KIAA0513: variants seen among roughly 807,000 people sequenced by gnomAD.
KIAA0513 encodes KIAA0513, also known as uncharacterized protein KIAA0513.
A neutral mutation model predicts 56.5 loss-of-function variants in KIAA0513; 39 were observed. The observed-to-expected ratio is 0.69, with a 90% CI of 0.53 to 0.90. The LOEUF (loss-of-function observed/expected upper bound fraction) is 0.90, where lower values mean the gene tolerates loss of function less well. KIAA0513 is among the 40% of genes least tolerant of loss of function. The pLI is 0.00. For missense variants in KIAA0513, 591 were observed against 535.2 expected (o/e 1.10, Z -1.03); for synonymous variants, 268 against 215.6 (o/e 1.24, Z -2.13).
At chr16:85,077,668 G>A (rs1851030888) in intron 6 of KIAA0513, 36 bp downstream of exon 6, 8 of 1,509,168 alleles carry the variant, frequency 5.3e-6, no homozygotes, top group Non-Finnish European at 7.2e-6. Flanking sequence ...CACCTGCAGG[G>A]GACTGGGGAG....
intron 1 of KIAA0513, among the ~76,000 whole-genome samples, chr16:85,034,021 A>G (rs751332686): frequency 6.6e-6 from 1 of 151,696 alleles, no homozygotes; most frequent in South Asian, 2.1e-4. Flanking sequence ...CCTCCCCTCA[A>G]TCCTTCCTTC....
At chr16:85,053,264 A>G (rs2073280159) in intron 1 of KIAA0513, among the ~76,000 whole-genome samples, 1 of 152,218 alleles carries the variant, frequency 6.6e-6, no homozygotes, top group Non-Finnish European at 1.5e-5. Flanking sequence ...TTTCTACATC[A>G]TGCCTGATAC....
intron 1 of KIAA0513, among the ~76,000 whole-genome samples, chr16:85,028,713 C>G (rs1000663401): frequency 6.6e-6 from 1 of 150,618 alleles, no homozygotes; most frequent in African/African-American, 2.4e-5. Flanking sequence ...AAAGACTTTA[C>G]AGGGGCACTA....
At chr16:85,043,061 A>C (rs1266998280) in intron 1 of KIAA0513, among the ~76,000 whole-genome samples, 1 of 152,244 alleles carries the variant, frequency 6.6e-6, no homozygotes, top group Non-Finnish European at 1.5e-5. Flanking sequence ...ATAATTCTTT[A>C]CATTTGCTAA....
At chr16:85,077,802 GC>G (rs962758111) in intron 6 of KIAA0513, among the ~76,000 whole-genome samples, 170 bp downstream of exon 6, 1 of 151,634 alleles carries the variant, frequency 6.6e-6, no homozygotes, top group African/African-American at 2.4e-5. Context: ...GCAAAGCCAA[GC>G]CCCCCCCACT....
intron 1 of KIAA0513, among the ~76,000 whole-genome samples, chr16:85,038,822 G>A (rs1288997018): frequency 6.6e-6 from 1 of 151,892 alleles, no homozygotes; most frequent in Non-Finnish European, 1.5e-5. Flanking sequence ...CACTAATGAG[G>A]TAGTTACATT....
intron 1 of KIAA0513, among the ~76,000 whole-genome samples, chr16:85,035,366 C>T (rs1349813086): frequency 6.6e-6 from 1 of 152,230 alleles, no homozygotes; most frequent in Non-Finnish European, 1.5e-5. Flanking sequence ...GTTTAGGAAG[C>T]CCTGGTCTCC....
intron 1 of KIAA0513, among the ~76,000 whole-genome samples, chr16:85,051,209 C>T (rs564425861): frequency 2.6e-5 from 4 of 152,090 alleles, no homozygotes; most frequent in African/African-American, 7.2e-5. Flanking sequence ...AGGTCGTCTT[C>T]GTGGAGAACT....
rs2073834376 is a variant in KIAA0513 at position 85,088,429 on chromosome 16, C to T, written c.*104C>T. ...CCGATGACCTGCATGAAGCCAGCAGCACCCAGAGCCACTCCTGCTGCCCTA... is the reference window on the plus strand; with the variant it reads ...CCGATGACCTGCATGAAGCCAGCAGTACCCAGAGCCACTCCTGCTGCCCTA... On this transcript the variant is annotated 3_prime_UTR_variant, in exon 13 of 13. Transcript: ENST00000683363. The T allele has an allele frequency of 2.3e-6, 2 of 885,124 alleles. No individual in the cohort carries two copies. Among genetic ancestry groups the T allele is most frequent in the Non-Finnish European group, 1.8e-6 (1 of 545,912 alleles). The allele number at this position is 885,124 out of a possible 1,614,324, so 54.8% of individuals were successfully genotyped here.
intron 1 of KIAA0513, among the ~76,000 whole-genome samples, chr16:85,029,721 A>T (rs2072936714): frequency 6.6e-6 from 1 of 152,246 alleles, no homozygotes; most frequent in Admixed American, 6.5e-5. Context: ...TTTTAAAAAA[A>T]GTCCTGAGAA....
At chr16:85,032,920 C>T (rs186510146) in intron 1 of KIAA0513, among the ~76,000 whole-genome samples, 3 of 152,164 alleles carry the variant, frequency 2.0e-5, no homozygotes, top group Admixed American at 2.0e-4. Context: ...ATAGAGACCG[C>T]GCCCGGCCCC....
At chr16:85,082,228 G>C (rs1166654225) in intron 9 of KIAA0513, among the ~76,000 whole-genome samples, 1 of 152,144 alleles carries the variant, frequency 6.6e-6, no homozygotes, top group Non-Finnish European at 1.5e-5. Flanking sequence ...GGGGGCAGGA[G>C]GCCTGGAGCA....
At chr16:85,069,352 A>G (rs1428137123) in intron 2 of KIAA0513, among the ~76,000 whole-genome samples, 1 of 152,122 alleles carries the variant, frequency 6.6e-6, no homozygotes, top group African/African-American at 2.4e-5. Flanking sequence ...CTGGGATGAC[A>G]GCAGTGCGCC....
At position 85,071,841 on chromosome 16, in the gene KIAA0513, G is replaced by A. The variant is rs1354537964; in HGVS notation, c.388G>A (p.Gly130Arg). Reference protein sequence around the residue: ...KFGEYCSSENGKGREWFARYV... With the variant: ...KFGEYCSSENRKGREWFARYV... ...TGGAGAGTACTGCAGCAGTGAAAAT[G>A]GAAAAGGCCGGGAGTGGTTTGCTCG... Residue 130 changes from glycine to arginine, a missense_variant, in exon 3 of 13, where the codon GGA (glycine) becomes AGA (arginine). Gly to Arg is a moderately radical substitution (Grantham distance 125). Coordinates refer to ENST00000683363, the MANE Select transcript of KIAA0513 (RefSeq NM_001388359.1). 2.5e-6 allele frequency: 4 copies of A among 1,608,230 alleles called. No individual in the cohort carries two copies. The highest frequency in any genetic ancestry group is 1.7e-5 in the Admixed American group (1 of 59,512).
At chr16:85,066,078 G>A (rs113296002) in intron 1 of KIAA0513, among the ~76,000 whole-genome samples, 150 of 152,302 alleles carry the variant, frequency 9.8e-4, no homozygotes, top group African/African-American at 3.1e-3. Flanking sequence ...AGAGATACTG[G>A]TGTCTGTCAG....
At chr16:85,037,822 A>G (rs981777546) in intron 1 of KIAA0513, among the ~76,000 whole-genome samples, 2 of 152,298 alleles carry the variant, frequency 1.3e-5, no homozygotes, top group East Asian at 3.9e-4. Context: ...AAGAAGTAGC[A>G]TCTCTCACGT....
chr16:85,062,864 G>A (rs2073425232), intron 1 of KIAA0513, among the ~76,000 whole-genome samples: 1 of 152,196 alleles, frequency 6.6e-6, no homozygotes, highest in African/African-American at 2.4e-5. Flanking sequence ...CAATGTGAGA[G>A]TGGCCATGAC....
rs1222350243 is a variant in KIAA0513 at position 85,070,183 on chromosome 16, AG to A, written c.330-1599del. Among the ~76,000 whole-genome samples the A allele has an allele frequency of 1.3e-3, 173 of 136,014 alleles. 2 individuals carry two copies. Among genetic ancestry groups the A allele is most frequent in the African/African-American group, 3.9e-3 (154 of 39,090 alleles). 89.2% of individuals were successfully genotyped at this position (136,014 alleles called of 152,430 possible). On this transcript the variant is annotated intron_variant, in intron 2 of 12. Coordinates refer to ENST00000683363, the MANE Select transcript of KIAA0513 (RefSeq NM_001388359.1). The stretch of plus-strand genomic sequence containing the variant: ...GAGACCCTGTCTCAAAAAAAAAAAA[AG>A]AAAAAAGAAAGAAATTTTGCGTTTT...
chr16:85,057,234 C>T (rs770904415), intron 1 of KIAA0513, among the ~76,000 whole-genome samples: 5 of 152,228 alleles, frequency 3.3e-5, no homozygotes, highest in East Asian at 3.9e-4. Flanking sequence ...AGATGAATGG[C>T]GTAGAGTCCA....
Sources: gnomAD v4.1 joint callset for allele counts (sites outside exome capture counted in the v4.1 genomes callset) on GRCh38, gnomAD v4.1.1 for gene constraint, MANE v1.5 for transcripts, NCBI Gene and HGNC (gene_info 2026-07-23, HGNC 2026-07-21) for gene names.